Variants in CCDC6 observed in about 807,000 individuals in gnomAD.
The protein encoded by CCDC6 is coiled-coil domain containing 6, also known as coiled-coil domain-containing protein 6.
Under a neutral mutation model 56.6 loss-of-function variants are expected in CCDC6, and 20 were observed. The ratio of observed to expected loss-of-function variants is 0.35; its 90% CI spans 0.25 to 0.51. The LOEUF is 0.51. Among genes scored for constraint, CCDC6 ranks in the 20% least tolerant of loss-of-function variants. The probability of loss-of-function intolerance (pLI) is 0.95; values close to 1 mark genes in which losing one functional copy is unlikely to be tolerated. For synonymous variants in CCDC6, 241 were observed against 234.4 expected (o/e 1.03, Z -0.26); for missense variants, 367 against 601.1 (o/e 0.61, Z 4.07).
Position 59,791,371 on chromosome 10 carries a change from C to A in CCDC6, c.*1546G>T. On this transcript the variant is annotated 3_prime_UTR_variant, in exon 9 of 9. Transcript: ENST00000263102. ...ATTATCCAACAAGACTTTTTTTTTTCATTCTGTTAACTCTTAAATATGCAT... is the reference window on the plus strand; with the variant it reads ...ATTATCCAACAAGACTTTTTTTTTTAATTCTGTTAACTCTTAAATATGCAT... The A allele has an allele frequency of 5.2e-6, 1 of 193,974 alleles. No homozygotes were observed. The highest frequency in any genetic ancestry group is 8.1e-5 in the East Asian group (1 of 12,344). The allele number at this position is 193,974 out of a possible 1,614,324, so 12.0% of individuals were successfully genotyped here.
chr10:59,891,621 TG>T (rs1176183757), intron 1 of CCDC6, among the ~76,000 whole-genome samples: 1 of 152,044 alleles, frequency 6.6e-6, no homozygotes, highest in Non-Finnish European at 1.5e-5. Flanking sequence ...CTTCCTTACC[TG>T]AAAAAGAGTT....
chr10:59,865,620 G>A (rs780260033), intron 1 of CCDC6, among the ~76,000 whole-genome samples: 41 of 152,044 alleles, frequency 2.7e-4, no homozygotes, highest in Non-Finnish European at 5.1e-4. Context: ...TTGGGAGGCC[G>A]AGGCGGGCAG....
chr10:59,832,111 C>A (rs139055595), intron 3 of CCDC6, among the ~76,000 whole-genome samples: 8 of 152,262 alleles, frequency 5.3e-5, no homozygotes, highest in African/African-American at 1.7e-4. Flanking sequence ...TGTAAGGTTG[C>A]CAATCAATCA....
intron 3 of CCDC6, among the ~76,000 whole-genome samples, chr10:59,829,273 C>T (rs1057082477): frequency 6.6e-6 from 1 of 152,158 alleles, no homozygotes; most frequent in Non-Finnish European, 1.5e-5. Flanking sequence ...ACATCGTGAC[C>T]AACTCAAATC....
intron 1 of CCDC6, among the ~76,000 whole-genome samples, chr10:59,864,815 C>G (rs1374271234): frequency 6.6e-6 from 1 of 152,008 alleles, no homozygotes; most frequent in African/African-American, 2.4e-5. Flanking sequence ...CAGTATAGAC[C>G]TCCTCAGATG....
chr10:59,865,561 A>T (rs2132664716), intron 1 of CCDC6, among the ~76,000 whole-genome samples: 1 of 152,322 alleles, frequency 6.6e-6, no homozygotes, highest in Non-Finnish European at 1.5e-5. Flanking sequence ...ATTGCAAAAG[A>T]ATATGATTCT....
At chr10:59,889,847 C>T (rs528284819) in intron 1 of CCDC6, among the ~76,000 whole-genome samples, 144 of 152,286 alleles carry the variant, frequency 9.5e-4, no homozygotes, top group East Asian at 5.8e-4. Flanking sequence ...CCTTTATCCT[C>T]CAGAGGGGTT....
intron 2 of CCDC6, among the ~76,000 whole-genome samples, chr10:59,850,349 G>A (rs1000377506): frequency 2.4e-4 from 28 of 115,032 alleles, no homozygotes; most frequent in Admixed American, 7.1e-4. Flanking sequence ...TTTATGTTAC[G>A]TAAAATTTAC....
At chr10:59,795,838 G>A (rs2070512007) in intron 7 of CCDC6, among the ~76,000 whole-genome samples, 1 of 151,956 alleles carries the variant, frequency 6.6e-6, no homozygotes, top group African/African-American at 2.4e-5. Flanking sequence ...AGTATTCCAT[G>A]GTGTATATGT....
chr10:59,885,914 C>CA (rs1564757543), intron 1 of CCDC6, among the ~76,000 whole-genome samples: 26 of 47,048 alleles, frequency 5.5e-4, no homozygotes, highest in East Asian at 3.8e-3. Flanking sequence ...TTTCCAACCC[C>CA]GCCCCCCGCC....
At chr10:59,855,116 T>C (rs1294411277) in intron 1 of CCDC6, among the ~76,000 whole-genome samples, 3 of 152,168 alleles carry the variant, frequency 2.0e-5, no homozygotes, top group East Asian at 1.9e-4. Context: ...AAGTGATAAA[T>C]AGAAAATAAG....
intron 3 of CCDC6, among the ~76,000 whole-genome samples, chr10:59,818,662 G>C (rs2070728952): frequency 6.6e-6 from 1 of 152,122 alleles, no homozygotes; most frequent in Non-Finnish European, 1.5e-5. Context: ...AAGAGTGTGT[G>C]TATGAGTGTG....
intron 4 of CCDC6, 132 bp downstream of exon 4, chr10:59,814,518 TCC>T: frequency 3.4e-6 from 2 of 591,762 alleles, no homozygotes; most frequent in Admixed American, 2.9e-5. Flanking sequence ...ACATTTTTTT[TCC>T]TTTGGCCAAT....
intron 1 of CCDC6, among the ~76,000 whole-genome samples, chr10:59,869,168 T>G (rs2071203532): frequency 6.6e-6 from 1 of 151,338 alleles, no homozygotes; most frequent in Admixed American, 6.6e-5. Context: ...TGTAGTGCTA[T>G]AAACTATAGC....
chr10:59,803,410 T>A lies in CCDC6; in HGVS notation c.1105+1010A>T, dbSNP rs112013639. The stretch of plus-strand genomic sequence containing the variant: ...TACTTTATAAAAACTTTATGCTGCC[T>A]TCCTTCAAAGCAGTCACCTCACTCT... On this transcript the variant is annotated intron_variant, in intron 7 of 8. Coordinates refer to ENST00000263102, the MANE Select transcript of CCDC6 (RefSeq NM_005436.5). Among the ~76,000 whole-genome samples the A allele has an allele frequency of 7.8e-3, 1,194 of 152,328 alleles. 13 individuals are homozygous for A. The highest frequency in any genetic ancestry group is 0.027 in the African/African-American group (1,121 of 41,574).
At chr10:59,835,503 G>A (rs544743415) in intron 2 of CCDC6, among the ~76,000 whole-genome samples, 7 of 152,290 alleles carry the variant, frequency 4.6e-5, no homozygotes, top group Admixed American at 2.6e-4. Context: ...TGGTAAAGCT[G>A]TCATTACCAG....
rs2071548022 is a variant in CCDC6, at chr10:59,906,386, C to G, written c.39G>C (p.Ala13=). The change falls in exon 1 of 9, where the codon GCG becomes GCC. Residue 13 remains alanine (A), a synonymous_variant. Coordinates refer to ENST00000263102, the MANE Select transcript of CCDC6 (RefSeq NM_005436.5). ...CGGCCGAGCTGCTGCTGTTGCCCCC[C>G]GCCCCGTCCGTGTCGCTCTCGCTGG... ...DSASESDTDG[A]GGNSSSSAAM... 6.3e-7 allele frequency: 1 copy of G among 1,586,014 alleles called. No homozygotes were observed. The highest frequency in any genetic ancestry group is 8.5e-7 in the Non-Finnish European group (1 of 1,174,478).
chr10:59,885,027 G>A (rs967419039), intron 1 of CCDC6, among the ~76,000 whole-genome samples: 26 of 151,266 alleles, frequency 1.7e-4, no homozygotes, highest in African/African-American at 4.9e-4. Flanking sequence ...TCGTGCCACC[G>A]CACTCCAGCC....
chr10:59,871,293 G>A (rs2071227138), intron 1 of CCDC6, among the ~76,000 whole-genome samples: 1 of 151,860 alleles, frequency 6.6e-6, no homozygotes, highest in African/African-American at 2.4e-5. Flanking sequence ...CACCACATTC[G>A]CAGAGCTAAG....
Sources: gnomAD v4.1 joint callset for allele counts (sites outside exome capture counted in the v4.1 genomes callset) on GRCh38, gnomAD v4.1.1 for gene constraint, MANE v1.5 for transcripts, NCBI Gene and HGNC (gene_info 2026-07-23, HGNC 2026-07-21) for gene names.